The following CMBL variants were observed in gnomAD, a reference collection of about 807,000 sequenced individuals.
The protein encoded by CMBL is carboxymethylenebutenolidase homolog (Pseudomonas).
In CMBL, 17 loss-of-function variants were observed where a neutral mutation model predicts 28.7. The observed-to-expected ratio is 0.59, with a 90% CI of 0.41 to 0.89. The LOEUF (loss-of-function observed/expected upper bound fraction) is 0.89. CMBL is among the 40% of genes least tolerant of loss of function. The pLI, the probability that CMBL is intolerant of heterozygous loss-of-function variation, is 0.00. For synonymous variants in CMBL, 106 were observed against 101.6 expected, an observed-to-expected ratio of 1.04 and a Z score of -0.26; for missense variants, 310 against 298.5, an observed-to-expected ratio of 1.04 and a Z score of -0.28.
intron 3 of CMBL, 120 bp downstream of exon 3, chr5:10,288,302 C>T: frequency 1.4e-6 from 1 of 733,132 alleles, no homozygotes; most frequent in Non-Finnish European, 2.4e-6. Flanking sequence ...GGGAAGGATT[C>T]CATTGGCCAT....
In CMBL at chr5:10,286,895, G is replaced by A. The variant is rs143179271; in HGVS notation, c.324-399C>T. Among the ~76,000 whole-genome samples, 209 of 152,248 alleles carry A rather than the reference G, an allele frequency of 1.4e-3. 1 individual carries two copies. In the South Asian group the frequency reaches 0.015, roughly 11 times the overall value. ...CTTCTCTGTCCCCTGAGTCTCCCAG[G>A]AGAAGAGTCTCCTCTCTCCTCTCTC... is the stretch of plus-strand genomic sequence containing the variant. On this transcript the variant is annotated intron_variant, in intron 3 of 5. Coordinates refer to ENST00000296658, the MANE Select transcript of CMBL (RefSeq NM_138809.4).
intron 4 of CMBL, among the ~76,000 whole-genome samples, chr5:10,282,880 A>G (rs1396847593): frequency 6.6e-6 from 1 of 152,064 alleles, no homozygotes; most frequent in Non-Finnish European, 1.5e-5. Flanking sequence ...TCATGAGGTC[A>G]GGAGTCCGAG....
rs1031781956 is a variant in CMBL, at chr5:10,279,139, A to G, written c.*1314T>C. Reference sequence around the variant, plus strand: ...CCCTTTACGCCACCACCAGAAACACAGGAGATATTTCTGAGGTAGCCTCAG... The same window carrying G: ...CCCTTTACGCCACCACCAGAAACACGGGAGATATTTCTGAGGTAGCCTCAG... On this transcript the variant is annotated 3_prime_UTR_variant, in exon 6 of 6. Coordinates refer to ENST00000296658, the MANE Select transcript of CMBL (RefSeq NM_138809.4). 2 of 152,218 alleles carry G rather than the reference A, an allele frequency of 1.3e-5. No individual in the cohort carries two copies. The highest frequency in any genetic ancestry group is 2.1e-4 in the South Asian group (1 of 4,830). The allele number at this position is 152,218 out of a possible 1,614,324, so 9.4% of individuals were successfully genotyped here. A position where few individuals can be genotyped will look rare whatever the true frequency, so the allele number is the denominator to read the frequency against.
rs923221789 is a variant in CMBL at position 10,289,286 on chromosome 5, C to T, written c.216-757G>A. ...CCTTGGCCTTCACAAGTCATGTCAC[C>T]GCTTCTAGCCTCATTTTCTCATCTG... On this transcript the variant is annotated intron_variant, in intron 2 of 5. Coordinates refer to ENST00000296658, the MANE Select transcript of CMBL (RefSeq NM_138809.4). This position sits in a 1 kb window ranked among gnomAD's most constrained non-coding sequence, Gnocchi z 4.3. 1.3e-5 allele frequency among the ~76,000 whole-genome samples: 2 copies of T among 152,170 alleles called. No homozygotes were observed. Among genetic ancestry groups the T allele is most frequent in the African/African-American group, 4.8e-5 (2 of 41,444 alleles).
intron 1 of CMBL, among the ~76,000 whole-genome samples, chr5:10,304,024 A>C (rs1042625748): frequency 3.3e-5 from 5 of 152,174 alleles, no homozygotes; most frequent in African/African-American, 1.2e-4. Flanking sequence ...GGCTCCCATG[A>C]AGAGGCAAAA....
intron 1 of CMBL, among the ~76,000 whole-genome samples, chr5:10,295,335 T>G (rs1746791350): frequency 6.6e-6 from 1 of 152,214 alleles, no homozygotes; most frequent in Admixed American, 6.5e-5. Context: ...CCCGCCCACC[T>G]TGGCCTCCCA....
At chr5:10,297,197 G>C (rs1302070377) in intron 1 of CMBL, among the ~76,000 whole-genome samples, 1 of 129,564 alleles carries the variant, frequency 7.7e-6, no homozygotes, top group East Asian at 2.0e-4. Context: ...AAAAAAAAAA[G>C]AGAGAGAGAG....
At chr5:10,293,517 C>CT (rs1388562676) in intron 1 of CMBL, among the ~76,000 whole-genome samples, 4 of 152,110 alleles carry the variant, frequency 2.6e-5, no homozygotes, top group African/African-American at 7.2e-5. Flanking sequence ...CTGATACCAT[C>CT]ACCTTGAGGG....
chr5:10,295,841 C>T (rs1396738186), intron 1 of CMBL, among the ~76,000 whole-genome samples: 3 of 152,226 alleles, frequency 2.0e-5, no homozygotes, highest in Non-Finnish European at 4.4e-5. Context: ...CTCATTTGAG[C>T]TCTCACAGTG....
At chr5:10,285,189 G>A (rs1193148710) in intron 4 of CMBL, among the ~76,000 whole-genome samples, 1 of 151,500 alleles carries the variant, frequency 6.6e-6, no homozygotes, top group Non-Finnish European at 1.5e-5. Flanking sequence ...TTTTTCTTTT[G>A]ACAGAGTCTC....
chr5:10,293,471 C>T (rs1746760364), intron 1 of CMBL, among the ~76,000 whole-genome samples: 1 of 152,138 alleles, frequency 6.6e-6, no homozygotes, highest in African/African-American at 2.4e-5. Flanking sequence ...AAGAGGTCTG[C>T]CCTCAGACCT....
intron 3 of CMBL, among the ~76,000 whole-genome samples, chr5:10,287,658 C>T (rs989236819): frequency 2.0e-5 from 3 of 152,060 alleles, no homozygotes; most frequent in Admixed American, 1.3e-4. Flanking sequence ...GGTGCAGTGG[C>T]TCACGCCTAT....
intron 1 of CMBL, among the ~76,000 whole-genome samples, chr5:10,306,376 G>A (rs35831622): frequency 0.037 from 5,569 of 152,298 alleles, 157 homozygotes; most frequent in South Asian, 0.074. Context: ...GCAGAGAGGA[G>A]GAGGAGGGAG....
Position 10,281,234 on chromosome 5 carries a change from AAG to A in CMBL, c.559-604_559-603del, listed in dbSNP as rs1746493361. 2.0e-5 allele frequency among the ~76,000 whole-genome samples: 3 copies of A among 151,996 alleles called. No homozygotes were observed. In the South Asian group the frequency reaches 6.2e-4, roughly 32 times the overall value. On this transcript the variant is annotated intron_variant, in intron 5 of 5. Transcript: ENST00000296658. ...TTCTAAATGACTGCTTTTTTTTCTT[AAG>A]AGTCAGGGTCTCACTCTGTCACCCA...
chr5:10,291,265 C>T (rs1554013698), intron 1 of CMBL, among the ~76,000 whole-genome samples: 2 of 152,196 alleles, frequency 1.3e-5, no homozygotes, highest in Non-Finnish European at 2.9e-5. Context: ...GTTCATGTCT[C>T]ACGGAAGGGG....
rs73052343 is a variant in CMBL at position 10,304,544 on chromosome 5, C to T, written c.-20+3081G>A. Among the ~76,000 whole-genome samples the T allele has an allele frequency of 5.9e-5, 9 of 152,172 alleles. No individual in the cohort carries two copies. The East Asian group carries it at 9.6e-4, about 16-fold the overall frequency. ...ACACTTCCCAGCCTGTCAGAATGGC[C>T]GCTTTGCGGGCTGCAACACTTTATG... On this transcript the variant is annotated intron_variant, in intron 1 of 5. Transcript: ENST00000296658.
chr5:10,280,884 C>T (rs1427581749), intron 5 of CMBL, among the ~76,000 whole-genome samples: 1 of 152,220 alleles, frequency 6.6e-6, no homozygotes, highest in Non-Finnish European at 1.5e-5. Context: ...AGTGATTCTC[C>T]TGCCTCAGCC....
chr5:10,286,492 T>A lies in CMBL; in HGVS notation c.328A>T (p.Ile110Phe), dbSNP rs1273265556. 1.9e-6 allele frequency: 3 copies of A among 1,613,872 alleles called. No homozygotes were observed. The highest frequency in any genetic ancestry group is 2.5e-6 in the Non-Finnish European group (3 of 1,179,872). Residue 110 changes from isoleucine to phenylalanine, a missense_variant, in exon 4 of 6, where the codon ATC (isoleucine) becomes TTC (phenylalanine). Coordinates refer to ENST00000296658, the MANE Select transcript of CMBL (RefSeq NM_138809.4). ...TRNAQKIDRE[I>F]SAILKYLKQQ... Reference sequence around the variant, plus strand: ...TTCAGATACTTCAAGATAGCACTGATCTCTCTAGAACAGAAAGAAAAAATA... The same window carrying A: ...TTCAGATACTTCAAGATAGCACTGAACTCTCTAGAACAGAAAGAAAAAATA...
chr5:10,292,826 C>CAAAA (rs34798121), intron 1 of CMBL, among the ~76,000 whole-genome samples: 3,919 of 107,128 alleles, frequency 0.037, 135 homozygotes, highest in Middle Eastern at 0.059. Context: ...CTCTGTCTCA[C>CAAAA]AAAAAAAAAA....
Sources: gnomAD v4.1 joint callset for allele counts (sites outside exome capture counted in the v4.1 genomes callset) on GRCh38, gnomAD v4.1.1 for gene constraint, Gnocchi (gnomAD v3.1) non-coding constraint, MANE v1.5 for transcripts, NCBI Gene and HGNC (gene_info 2026-07-23, HGNC 2026-07-21) for gene names.